Variants in PRKD1 observed in about 807,000 individuals in gnomAD.
The protein encoded by PRKD1 is protein kinase D1.
A neutral mutation model predicts 95.9 loss-of-function variants in PRKD1; 63 were observed. The ratio of observed to expected loss-of-function variants is 0.66; its 90% CI spans 0.54 to 0.81. The LOEUF is 0.81. PRKD1 is among the 30% of genes least tolerant of loss of function. PRKD1 has a pLI of 0.00. For missense variants in PRKD1, 1,048 were observed against 1,165.3 expected, an observed-to-expected ratio of 0.90 and a Z score of 1.47; for synonymous variants, 425 against 423.1, an observed-to-expected ratio of 1.00 and a Z score of -0.05.
intron 15 of PRKD1, 52 bp downstream of exon 15, chr14:29,598,975 A>AAG: frequency 7.0e-7 from 1 of 1,419,678 alleles, no homozygotes; most frequent in Non-Finnish European, 9.9e-7. Flanking sequence ...GCTACATGGA[A>AAG]GCTAGCAATG....
At position 29,626,991 on chromosome 14, in the gene PRKD1, G is replaced by T. The variant is rs45612534; in HGVS notation, c.1726-435C>A. 7.8e-4 allele frequency among the ~76,000 whole-genome samples: 119 copies of T among 151,894 alleles called. No individual in the cohort carries two copies. In the East Asian group the frequency reaches 0.023, roughly 29 times the overall value. On this transcript the variant is annotated intron_variant, in intron 11 of 17. Transcript: ENST00000331968. ...GCCTCCCAAGGTGCTGGGATTACAG[G>T]CATGAGCCACCACACTCGGCCTCAA...
Position 29,599,013 on chromosome 14 carries a change from G to A in PRKD1, c.2166+14C>T, listed in dbSNP as rs776130775. ...TCCAACTGGCTTTTTGCTGAGAGAGGCTTTTATACTTGCCTGAGGAAAAGG... is the reference window on the plus strand; with the variant it reads ...TCCAACTGGCTTTTTGCTGAGAGAGACTTTTATACTTGCCTGAGGAAAAGG... On this transcript the variant is annotated intron_variant, in intron 15 of 17. Coordinates refer to ENST00000331968, the MANE Select transcript of PRKD1 (RefSeq NM_002742.3). The A allele has an allele frequency of 6.2e-7, 1 of 1,602,112 alleles. No individual in the cohort carries two copies. The highest frequency in any genetic ancestry group is 8.5e-7 in the Non-Finnish European group (1 of 1,169,696).
At chr14:29,875,285 T>C (rs542822037) in intron 1 of PRKD1, among the ~76,000 whole-genome samples, 78 of 152,246 alleles carry the variant, frequency 5.1e-4, no homozygotes, top group Middle Eastern at 6.8e-3. Flanking sequence ...TAGAAAGTCT[T>C]ACTGTTAAGG....
At position 29,619,138 on chromosome 14, in the gene PRKD1, T is replaced by C. The variant is rs114521447; in HGVS notation, c.1905+5014A>G. Among the ~76,000 whole-genome samples, 976 of 152,138 alleles carry C rather than the reference T, an allele frequency of 6.4e-3. 24 individuals are homozygous for C. Among genetic ancestry groups the C allele is most frequent in the African/African-American group, 0.022 (907 of 41,532 alleles). On this transcript the variant is annotated intron_variant, in intron 13 of 17. Transcript: ENST00000331968. ...CAAGATTAGTAAAAGAAAATCTTCCTCTCCATTCAATTGACTTCAATCACG... is the reference window on the plus strand; with the variant it reads ...CAAGATTAGTAAAAGAAAATCTTCCCCTCCATTCAATTGACTTCAATCACG...
chr14:29,785,128 T>G (rs1468277232), intron 1 of PRKD1, among the ~76,000 whole-genome samples: 4 of 152,122 alleles, frequency 2.6e-5, no homozygotes, highest in African/African-American at 9.7e-5. Context: ...CCTCCAAACC[T>G]GCTGAATAAT....
chr14:29,638,416 CCTGA>C (rs747826353), intron 6 of PRKD1, 69 bp downstream of exon 6: 132 of 1,548,762 alleles, frequency 8.5e-5, no homozygotes, highest in Non-Finnish European at 1.2e-4. Flanking sequence ...AACCAAAAAC[CCTGA>C]CTAAAATTAC....
intron 1 of PRKD1, among the ~76,000 whole-genome samples, chr14:29,775,857 C>T (rs1888722350): frequency 6.6e-6 from 1 of 152,114 alleles, no homozygotes; most frequent in Admixed American, 6.5e-5. Flanking sequence ...CTCAAGTGGG[C>T]CCCTGACCCC....
intron 1 of PRKD1, among the ~76,000 whole-genome samples, chr14:29,850,896 T>A (rs1273468479): frequency 1.0e-4 from 14 of 140,174 alleles, no homozygotes; most frequent in South Asian, 4.5e-4. Flanking sequence ...AAAAAAAAAT[T>A]AAAAAAAAAA....
At chr14:29,717,412 G>A (rs993257123) in intron 2 of PRKD1, among the ~76,000 whole-genome samples, 1 of 152,086 alleles carries the variant, frequency 6.6e-6, no homozygotes, top group East Asian at 1.9e-4. Flanking sequence ...TACAGCAGAT[G>A]GATCAAGATT....
At chr14:29,706,243 C>T (rs2139341770) in intron 2 of PRKD1, among the ~76,000 whole-genome samples, 1 of 152,182 alleles carries the variant, frequency 6.6e-6, no homozygotes, top group East Asian at 1.9e-4. Flanking sequence ...TGTGTATCTT[C>T]TTTGGATAAA....
intron 16 of PRKD1, among the ~76,000 whole-genome samples, chr14:29,583,340 TTA>T (rs1475522009): frequency 6.6e-6 from 1 of 152,058 alleles, no homozygotes; most frequent in Non-Finnish European, 1.5e-5. Flanking sequence ...TGAGAATCCT[TTA>T]TTCTCTTGGG....
chr14:29,651,880 G>A (rs1438836052), intron 4 of PRKD1, among the ~76,000 whole-genome samples: 1 of 152,048 alleles, frequency 6.6e-6, no homozygotes, highest in Non-Finnish European at 1.5e-5. Flanking sequence ...AACTAGCTGG[G>A]ATTACAGGCA....
chr14:29,770,982 A>C (rs970150554), intron 1 of PRKD1, among the ~76,000 whole-genome samples: 3 of 151,806 alleles, frequency 2.0e-5, no homozygotes, highest in Admixed American at 6.6e-5. Context: ...AAAAGAAGAA[A>C]ATTAAAGAAA....
intron 1 of PRKD1, among the ~76,000 whole-genome samples, chr14:29,808,974 T>C (rs551278591): frequency 6.6e-6 from 1 of 152,328 alleles, no homozygotes; most frequent in East Asian, 1.9e-4. Flanking sequence ...GAAATACATT[T>C]CTTAAACAAT....
At chr14:29,755,068 A>G (rs1190269273) in intron 1 of PRKD1, among the ~76,000 whole-genome samples, 1 of 152,060 alleles carries the variant, frequency 6.6e-6, no homozygotes, top group Non-Finnish European at 1.5e-5. Context: ...TAAAATTTCT[A>G]GTTGATTTTT....
chr14:29,882,000 T>C (rs187316430), intron 1 of PRKD1, among the ~76,000 whole-genome samples: 133 of 152,330 alleles, frequency 8.7e-4, no homozygotes, highest in South Asian at 3.3e-3. Flanking sequence ...TTCTGTGTTA[T>C]TCTCCCATTT....
chr14:29,648,893 A>G (rs1019332354), intron 4 of PRKD1, among the ~76,000 whole-genome samples: 3 of 152,020 alleles, frequency 2.0e-5, no homozygotes, highest in Admixed American at 2.0e-4. Context: ...TGACCTCGTG[A>G]TCCGCCCGCC....
At chr14:29,676,944 G>C (rs945908435) in intron 2 of PRKD1, among the ~76,000 whole-genome samples, 1 of 151,948 alleles carries the variant, frequency 6.6e-6, no homozygotes, top group Non-Finnish European at 1.5e-5. Context: ...TTAAAAATTC[G>C]GTTCCTCAGT....
At chr14:29,653,742 C>G (rs1292336502) in intron 4 of PRKD1, among the ~76,000 whole-genome samples, 1 of 151,878 alleles carries the variant, frequency 6.6e-6, no homozygotes, top group Non-Finnish European at 1.5e-5. Flanking sequence ...TGGGAAAAGA[C>G]ATAAAAAACA....
Sources: allele counts gnomAD v4.1 joint callset (sites outside exome capture counted in the v4.1 genomes callset), GRCh38; gene constraint gnomAD v4.1.1; transcripts MANE v1.5; gene names NCBI Gene and HGNC (gene_info 2026-07-23, HGNC 2026-07-21).